CYP26C1: variants seen among roughly 807,000 people sequenced by gnomAD.
CYP26C1 encodes the protein cytochrome P450 family 26 subfamily C member 1.
In CYP26C1, 41 loss-of-function variants were observed where a neutral mutation model predicts 39.1. The ratio of observed to expected loss-of-function variants is 1.05; its 90% CI spans 0.82 to 1.36. The LOEUF is 1.36. Among genes scored for constraint, CYP26C1 ranks in the 40% most tolerant of loss-of-function variants. The pLI is 0.00. For synonymous variants in CYP26C1, 362 were observed against 350.8 expected, an observed-to-expected ratio of 1.03 and a Z score of -0.36; for missense variants, 833 against 752.0, an observed-to-expected ratio of 1.11 and a Z score of -1.26.
chr10:93,068,264 G>T, intron 5 of CYP26C1, 56 bp from the exon 6 acceptor site: 1 of 1,481,386 alleles, frequency 6.8e-7, no homozygotes. Flanking sequence ...GTCAGTTCAG[G>T]GCCCCCCCGT....
chr10:93,062,793 AG>A lies in CYP26C1; in HGVS notation c.505del (p.Val169CysfsTer101). The A allele has an allele frequency of 6.5e-7, 1 of 1,538,424 alleles. No homozygotes were observed. Among genetic ancestry groups the A allele is most frequent in the Non-Finnish European group, 8.7e-7 (1 of 1,149,142 alleles). On this transcript the variant is annotated frameshift_variant, in exon 3 of 6. Transcript: ENST00000651965. LOFTEE classifies it high-confidence loss of function. ...CGCCTGCAGGGGGCGCTGCGGCATGAGGTGCGCTCCTGGTGCGCGGCGGGCG... is the reference window on the plus strand; with the variant it reads ...CGCCTGCAGGGGGCGCTGCGGCATGAGTGCGCTCCTGGTGCGCGGCGGGCG... The part of the protein sequence containing the change: ...VPRLQGALRH[E>X]VRSWCAAGGP...
chr10:93,065,286 G>A (rs1277278522), intron 4 of CYP26C1, among the ~76,000 whole-genome samples: 1 of 152,230 alleles, frequency 6.6e-6, no homozygotes, highest in Non-Finnish European at 1.5e-5. Context: ...CTCAGCTTTA[G>A]CTTCTTTTCT....
In CYP26C1 at chr10:93,064,553, C is replaced by A; in HGVS notation, c.861+17C>A. The A allele has an allele frequency of 6.2e-7, 1 of 1,604,406 alleles. No homozygotes were observed. Among genetic ancestry groups the A allele is most frequent in the Non-Finnish European group, 8.5e-7 (1 of 1,173,284 alleles). ...GAGCTGAAGGTAGGTGCTGACAGGC[C>A]GCTCCTTCTCCCCTCTTTTGCATTC... On this transcript the variant is annotated intron_variant, in intron 4 of 5. Coordinates refer to ENST00000651965, the MANE Select transcript of CYP26C1 (RefSeq NM_183374.3).
intron 5 of CYP26C1, among the ~76,000 whole-genome samples, chr10:93,066,682 C>G (rs1003304845): frequency 1.3e-5 from 2 of 152,242 alleles, no homozygotes; most frequent in African/African-American, 2.4e-5. Flanking sequence ...GTCCTGTGCT[C>G]CACCCCTCTG....
chr10:93,066,337 C>A (rs746172781), intron 5 of CYP26C1, 52 bp downstream of exon 5: 1 of 1,216,636 alleles, frequency 8.2e-7, no homozygotes, highest in Non-Finnish European at 1.0e-6. Flanking sequence ...TGCCGCCTGC[C>A]GCCTGCCGCC....
rs752339997 is a variant in CYP26C1 at position 93,062,924 on chromosome 10, C to G, written c.634C>G (p.Arg212Gly). 1 of 1,605,784 alleles carries G rather than the reference C, an allele frequency of 6.2e-7. No individual in the cohort carries two copies. Among genetic ancestry groups the G allele is most frequent in the South Asian group, 1.1e-5 (1 of 90,668 alleles). The change falls in exon 3 of 6, where the codon CGG becomes GGG. Residue 212 changes from arginine to glycine, a missense_variant. Physicochemically the swap from Arg to Gly is moderately radical, Grantham distance 125. Transcript: ENST00000651965. ...LDEAQCATLA[R>G]TFEQLVENLF... ...CGAGGCGCAGTGCGCCACGCTGGCC[C>G]GGACCTTCGAGCAGCTCGTGGAGAA...
Position 93,068,752 on chromosome 10 carries a change from C to A in CYP26C1, c.*55C>A. The A allele has an allele frequency of 6.8e-7, 1 of 1,460,344 alleles. No homozygotes were observed. Among genetic ancestry groups the A allele is most frequent in the Non-Finnish European group, 9.0e-7 (1 of 1,107,808 alleles). The allele number at this position is 1,460,344 out of a possible 1,614,324, so 90.5% of individuals were successfully genotyped here. A position where few individuals can be genotyped will look rare whatever the true frequency, so the allele number is the denominator to read the frequency against. On this transcript the variant is annotated 3_prime_UTR_variant, in exon 6 of 6. Coordinates refer to ENST00000651965, the MANE Select transcript of CYP26C1 (RefSeq NM_183374.3). ...CGGTGGCTATGGCGCGCACGCAGCGCCACCCATCTGCCGCTCCCCATTGTA... is the reference window on the plus strand; with the variant it reads ...CGGTGGCTATGGCGCGCACGCAGCGACACCCATCTGCCGCTCCCCATTGTA...
Position 93,061,483 on chromosome 10 carries a change from A to T in CYP26C1, c.204+16A>T. ...GTTAGTTCAGGTGAGCAGTCCTTCGACCCCGAGCGCTAATACGGTCCCTTC... is the reference window on the plus strand; with the variant it reads ...GTTAGTTCAGGTGAGCAGTCCTTCGTCCCCGAGCGCTAATACGGTCCCTTC... On this transcript the variant is annotated intron_variant, in intron 1 of 5. Transcript: ENST00000651965. The T allele has an allele frequency of 6.5e-7, 1 of 1,548,284 alleles. No individual in the cohort carries two copies. Among genetic ancestry groups the T allele is most frequent in the South Asian group, 1.2e-5 (1 of 83,934 alleles).
rs763337613 is a variant in CYP26C1, at chr10:93,062,031, C to T, written c.226C>T (p.Arg76Cys). The T allele has an allele frequency of 1.3e-6, 2 of 1,570,716 alleles. No individual in the cohort carries two copies. The highest frequency in any genetic ancestry group is 2.7e-5 in the African/African-American group (2 of 74,318). The change falls in exon 2 of 6, where the codon CGC becomes TGC. Residue 76 changes from arginine to cysteine, a missense_variant. Arg to Cys is a radical substitution (Grantham distance 180, BLOSUM62 -3). Transcript: ENST00000651965. ...GCAGGGCTCGCGCTTCCACAGTTCTCGCCGAGAGCGCTATGGGACAGTGTT... is the reference window on the plus strand; with the variant it reads ...GCAGGGCTCGCGCTTCCACAGTTCTTGCCGAGAGCGCTATGGGACAGTGTT... ...LVQGSRFHSS[R>C]RERYGTVFKT...
chr10:93,066,884 C>T (rs1321800409), intron 5 of CYP26C1, among the ~76,000 whole-genome samples: 1 of 152,238 alleles, frequency 6.6e-6, no homozygotes, highest in African/African-American at 2.4e-5. Flanking sequence ...TCCCTCTTCA[C>T]TCTGGGCCTC....
intron 3 of CYP26C1, chr10:93,063,294 G>A: frequency 8.6e-7 from 1 of 1,166,230 alleles, no homozygotes; most frequent in Non-Finnish European, 1.1e-6. Context: ...GGTCTCGGTG[G>A]CAGGCGTCCT....
intron 5 of CYP26C1, among the ~76,000 whole-genome samples, chr10:93,066,977 G>C (rs1345343876): frequency 1.3e-5 from 2 of 152,262 alleles, no homozygotes; most frequent in Non-Finnish European, 2.9e-5. Context: ...TGGGGGTACA[G>C]TGGTGGCCTC....
Position 93,064,624 on chromosome 10 carries a change from G to A in CYP26C1, c.861+88G>A. 3.3e-6 allele frequency: 5 copies of A among 1,521,210 alleles called. No individual in the cohort carries two copies. In the South Asian group the frequency reaches 4.0e-5, roughly 12 times the overall value. The allele number at this position is 1,521,210 out of a possible 1,614,324, so 94.2% of individuals were successfully genotyped here. A position where few individuals can be genotyped will look rare whatever the true frequency, so the allele number is the denominator to read the frequency against. The stretch of plus-strand genomic sequence containing the variant: ...TGCTGCATCCCCAGAGCCACATCTT[G>A]TGTGGCCCCACTTTGAGGCACAGGC... On this transcript the variant is annotated intron_variant, in intron 4 of 5. Coordinates refer to ENST00000651965, the MANE Select transcript of CYP26C1 (RefSeq NM_183374.3).
chr10:93,064,490 A>G lies in CYP26C1; in HGVS notation c.815A>G (p.His272Arg). ...EPGDALDLII[H>R]SARELGHEPS... is the part of the protein sequence containing the mutation. ...GGTGATGCCCTCGACCTAATCATTC[A>G]CAGTGCAAGGGAGCTGGGCCATGAG... The change falls in exon 4 of 6, where the codon CAC (histidine) becomes CGC (arginine). Residue 272 changes from histidine (H) to arginine (R), a missense_variant. Coordinates refer to ENST00000651965, the MANE Select transcript of CYP26C1 (RefSeq NM_183374.3). The G allele has an allele frequency of 1.2e-6, 2 of 1,614,148 alleles. No homozygotes were observed. The highest frequency in any genetic ancestry group is 1.1e-5 in the South Asian group (1 of 91,082).
intron 4 of CYP26C1, among the ~76,000 whole-genome samples, chr10:93,065,647 G>A (rs1051694964): frequency 1.3e-5 from 2 of 152,232 alleles, no homozygotes; most frequent in African/African-American, 4.8e-5. Context: ...AACCGAATGA[G>A]TGAATATGCT....
In CYP26C1 at chr10:93,068,395, A is replaced by G; in HGVS notation, c.1267A>G (p.Ser423Gly). The change falls in exon 6 of 6, where the codon AGC becomes GGC. Residue 423 changes from serine to glycine, a missense_variant. Physicochemically the swap from Ser to Gly is moderately conservative, Grantham distance 56. Transcript: ENST00000651965. Reference protein sequence around the residue: ...DTHETAAVYRSPPEGFDPERF... With the variant: ...DTHETAAVYRGPPEGFDPERF... ...GCACGAGACGGCTGCGGTGTACCGC[A>G]GCCCTCCCGAAGGCTTCGATCCAGA... 2 of 1,606,818 alleles carry G rather than the reference A, an allele frequency of 1.2e-6. No individual in the cohort carries two copies. Among genetic ancestry groups the G allele is most frequent in the South Asian group, 2.2e-5 (2 of 90,444 alleles).
chr10:93,068,265 GC>G lies in CYP26C1; in HGVS notation c.1192-48del, dbSNP rs1260762222. ...CACCAGGGTGGAGGGTCAGTTCAGGGCCCCCCCGTTTCCAGGTGCCTCGTGG... is the reference window on the plus strand; with the variant it reads ...CACCAGGGTGGAGGGTCAGTTCAGGGCCCCCCGTTTCCAGGTGCCTCGTGG... On this transcript the variant is annotated intron_variant, in intron 5 of 5. Transcript: ENST00000651965. 30 of 1,481,780 alleles carry G rather than the reference GC, an allele frequency of 2.0e-5. No individual in the cohort carries two copies. The East Asian group carries it at 3.9e-4, about 19-fold the overall frequency. The allele number at this position is 1,481,780 out of a possible 1,614,324, so 91.8% of individuals were successfully genotyped here.
chr10:93,067,542 A>T (rs1846843502), intron 5 of CYP26C1, among the ~76,000 whole-genome samples: 1 of 152,188 alleles, frequency 6.6e-6, no homozygotes, highest in African/African-American at 2.4e-5. Context: ...AGATGAGAAC[A>T]CTGATGTCTA....
At chr10:93,061,488 G>A (rs756016037) in intron 1 of CYP26C1, 21 bp downstream of exon 1, 2 of 1,548,560 alleles carry the variant, frequency 1.3e-6, no homozygotes, top group Non-Finnish European at 1.7e-6. Context: ...CTTCGACCCC[G>A]AGCGCTAATA....
Sources: allele counts gnomAD v4.1 joint callset (sites outside exome capture counted in the v4.1 genomes callset), GRCh38; gene constraint gnomAD v4.1.1; transcripts MANE v1.5; gene names NCBI Gene and HGNC (gene_info 2026-07-23, HGNC 2026-07-21).